MBP: variants seen among roughly 807,000 people sequenced by gnomAD.
MBP encodes the protein myelin basic protein.
Under a neutral mutation model 35.8 loss-of-function variants are expected in MBP, and 16 were observed. The ratio of observed to expected loss-of-function variants is 0.45; its 90% CI spans 0.30 to 0.68. The LOEUF is 0.68. Ranked by LOEUF, MBP falls within the 30% of genes least tolerant of loss-of-function variation. The pLI is 0.08. For missense variants in MBP, 380 were observed against 404.7 expected (o/e 0.94, Z 0.52); for synonymous variants, 143 against 159.6 (o/e 0.90, Z 0.78).
chr18:77,015,140 G>A (rs1435667763), intron 4 of MBP: 3 of 984,056 alleles, frequency 3.0e-6, no homozygotes, highest in African/African-American at 3.5e-5. Context: ...TTGAGATAAA[G>A]TCACAATGAT....
chr18:77,130,685 G>GT (rs71999921), intron 1 of MBP, among the ~76,000 whole-genome samples: 38,212 of 145,876 alleles, frequency 0.26, 5,124 homozygotes, highest in East Asian at 0.45. Flanking sequence ...TTGGTCTCTT[G>GT]TTTTTTTTTT....
In MBP at chr18:77,102,810, G is replaced by A. The variant is rs1054957090; in HGVS notation, c.51+2401C>T. On this transcript the variant is annotated intron_variant, in intron 2 of 8. Coordinates refer to ENST00000355994, the MANE Select transcript of MBP (RefSeq NM_001025101.2). The surrounding 1 kb of genome is among the most constrained non-coding windows in gnomAD (Gnocchi z 4.4). Reference sequence around the variant, plus strand: ...CAGTGTTAACAGCCTAGAGGCCTCTGAGCAGAGCTGTTTTTTCCACTTTCA... The same window carrying A: ...CAGTGTTAACAGCCTAGAGGCCTCTAAGCAGAGCTGTTTTTTCCACTTTCA... Among the ~76,000 whole-genome samples the A allele has an allele frequency of 6.6e-6, 1 of 152,306 alleles. No homozygotes were observed. The highest frequency in any genetic ancestry group is 1.5e-5 in the Non-Finnish European group (1 of 68,024).
At chr18:77,079,564 GGAA>G (rs554623775) in intron 2 of MBP, among the ~76,000 whole-genome samples, 24 of 152,280 alleles carry the variant, frequency 1.6e-4, no homozygotes, top group African/African-American at 5.5e-4. Context: ...GAGGTAAGCA[GGAA>G]GAAGAATAAT....
intron 3 of MBP, among the ~76,000 whole-genome samples, chr18:77,022,713 A>G (rs755175154): frequency 2.6e-5 from 4 of 152,248 alleles, no homozygotes; most frequent in Non-Finnish European, 5.9e-5. Context: ...GAACATCTGA[A>G]TACTAATATT....
chr18:77,012,707 C>T (rs1187619099), intron 4 of MBP: 21 of 858,272 alleles, frequency 2.4e-5, no homozygotes, highest in East Asian at 1.2e-4. Context: ...ACAAAAATGC[C>T]GGCAACACAG....
chr18:77,068,370 C>T (rs949178027), intron 2 of MBP, among the ~76,000 whole-genome samples: 1 of 152,062 alleles, frequency 6.6e-6, no homozygotes, highest in Non-Finnish European at 1.5e-5. Flanking sequence ...AACAGCCCAA[C>T]TTCCAAGCAG....
At chr18:77,110,687 G>C (rs576523349) in intron 1 of MBP, 1 of 152,256 alleles carries the variant, frequency 6.6e-6, no homozygotes, top group East Asian at 1.9e-4. Flanking sequence ...CATTCCATAA[G>C]TGTGTATGGA....
intron 4 of MBP, among the ~76,000 whole-genome samples, chr18:76,992,271 A>C (rs897183763): frequency 8.5e-5 from 13 of 152,202 alleles, no homozygotes; most frequent in Admixed American, 7.2e-4. Context: ...ATCAGGCATT[A>C]GATTCCCATA....
chr18:77,032,666 C>T (rs972124040), intron 3 of MBP, among the ~76,000 whole-genome samples: 1 of 151,620 alleles, frequency 6.6e-6, no homozygotes, highest in African/African-American at 2.4e-5. Context: ...ACACGGTTGG[C>T]GTAGAGATAA....
chr18:77,025,485 C>T (rs865773877), intron 3 of MBP, among the ~76,000 whole-genome samples: 6 of 152,182 alleles, frequency 3.9e-5, no homozygotes, highest in Admixed American at 2.0e-4. Context: ...GAACAAAAGC[C>T]GAGTCCCACA....
At chr18:77,070,408 TAGA>T (rs977477537) in intron 2 of MBP, among the ~76,000 whole-genome samples, 3 of 152,194 alleles carry the variant, frequency 2.0e-5, no homozygotes, top group Admixed American at 1.3e-4. Context: ...ATAACAATTT[TAGA>T]AGGTGTGTGG....
At chr18:77,065,379 A>G (rs1246763618) in intron 3 of MBP, among the ~76,000 whole-genome samples, 1 of 152,086 alleles carries the variant, frequency 6.6e-6, no homozygotes, top group Non-Finnish European at 1.5e-5. Flanking sequence ...CCCCACCCCA[A>G]TGACCTGATG....
Position 76,980,378 on chromosome 18 carries a change from G to A in MBP, c.*49C>T, listed in dbSNP as rs1969110138. The A allele has an allele frequency of 1.3e-6, 2 of 1,546,182 alleles. No homozygotes were observed. Among genetic ancestry groups the A allele is most frequent in the African/African-American group, 2.7e-5 (2 of 73,342 alleles). On this transcript the variant is annotated 3_prime_UTR_variant, in exon 9 of 9. Coordinates refer to ENST00000355994, the MANE Select transcript of MBP (RefSeq NM_001025101.2). ...GGGCAAGTGGGATTAAAGTTTTAAG[G>A]CAGTTATATTAAGAAGCTGAGGACA...
chr18:76,987,252 T>A, intron 7 of MBP: 1 of 985,468 alleles, frequency 1.0e-6, no homozygotes. Context: ...GGGTCAAAAA[T>A]GAATTTCATT....
intron 2 of MBP, among the ~76,000 whole-genome samples, chr18:77,103,491 T>C (rs968105220): frequency 6.6e-6 from 1 of 152,202 alleles, no homozygotes; most frequent in Admixed American, 6.5e-5. Context: ...GGGGAAAACA[T>C]GTATGTTTAA....
At chr18:77,051,170 T>C (rs1267936184) in intron 3 of MBP, among the ~76,000 whole-genome samples, 2 of 152,334 alleles carry the variant, frequency 1.3e-5, no homozygotes, top group South Asian at 2.1e-4. Context: ...CCGGTGTAAA[T>C]TTTATTATTG....
intron 4 of MBP, chr18:77,013,624 T>A: frequency 2.0e-6 from 2 of 985,432 alleles, no homozygotes; most frequent in Non-Finnish European, 2.4e-6. Context: ...TCATACTGAA[T>A]GCTGAATAGA....
intron 3 of MBP, among the ~76,000 whole-genome samples, chr18:77,033,825 CATATCCATTTAT>C (rs2123636389): frequency 6.6e-6 from 1 of 151,200 alleles, no homozygotes; most frequent in African/African-American, 2.4e-5. Context: ...CACCCACCCA[CATATCCATTTAT>C]CCATCCATCC....
chr18:77,128,245 G>A (rs986699248), intron 1 of MBP, among the ~76,000 whole-genome samples: 1 of 152,282 alleles, frequency 6.6e-6, no homozygotes. Flanking sequence ...ACCCGGATGG[G>A]TCTCAAGGGA....
Sources: gnomAD v4.1 joint callset for allele counts (sites outside exome capture counted in the v4.1 genomes callset) on GRCh38, gnomAD v4.1.1 for gene constraint, Gnocchi (gnomAD v3.1) non-coding constraint, MANE v1.5 for transcripts, NCBI Gene and HGNC (gene_info 2026-07-23, HGNC 2026-07-21) for gene names.